The following DHX38 variants were observed in gnomAD, a reference collection of about 807,000 sequenced individuals.
The protein encoded by DHX38 is DEAH-box helicase 38, also known as pre-mRNA-splicing factor ATP-dependent RNA helicase PRP16.
DHX38 carries 100 observed loss-of-function variants against 153.1 expected under a neutral mutation model. The observed-to-expected ratio is 0.65, with a 90% CI of 0.56 to 0.77. DHX38 has a LOEUF of 0.77. Ranked by LOEUF, DHX38 falls within the 30% of genes least tolerant of loss-of-function variation. The pLI, the probability that DHX38 is intolerant of heterozygous loss-of-function variation, is 0.00. For synonymous variants in DHX38, 650 were observed against 631.7 expected (o/e 1.03, Z -0.43); for missense variants, 1,440 against 1,654.0 (o/e 0.87, Z 2.24).
At chr16:72,109,279 G>A (rs1005744043) in intron 24 of DHX38, 136 bp from the exon 25 acceptor site, 22 of 962,316 alleles carry the variant, frequency 2.3e-5, no homozygotes, top group Admixed American at 1.4e-4. Flanking sequence ...GGAGTATCTG[G>A]GGTTTTTCCT....
chr16:72,103,263 G>A (rs1338830153), intron 12 of DHX38, 52 bp downstream of exon 12: 2 of 1,589,780 alleles, frequency 1.3e-6, no homozygotes, highest in African/African-American at 2.7e-5. Context: ...GGTGCCCTTG[G>A]TCTCCCATGT....
At chr16:72,102,168 C>A (rs1440721549) in intron 11 of DHX38, among the ~76,000 whole-genome samples, 1 of 152,202 alleles carries the variant, frequency 6.6e-6, no homozygotes, top group East Asian at 1.9e-4. Flanking sequence ...AGATCCTCAT[C>A]CTTCGAATGC....
At chr16:72,109,712 C>A (rs2042233291) in intron 25 of DHX38, 3 of 449,132 alleles carry the variant, frequency 6.7e-6, no homozygotes, top group Non-Finnish European at 3.9e-6. Context: ...AAAACAAAAC[C>A]AAAAAACTCA....
chr16:72,110,209 T>C (rs1225444767), intron 25 of DHX38, among the ~76,000 whole-genome samples: 1 of 152,262 alleles, frequency 6.6e-6, no homozygotes, highest in Non-Finnish European at 1.5e-5. Flanking sequence ...ATAGTCCATA[T>C]GATGTATTTG....
At chr16:72,109,393 C>T in intron 24 of DHX38, 22 bp from the exon 25 acceptor site, 1 of 1,611,172 alleles carries the variant, frequency 6.2e-7, no homozygotes, top group Non-Finnish European at 8.5e-7. Flanking sequence ...TGACCCTCGC[C>T]TCCCTGCCCT....
At chr16:72,101,637 A>C (rs1376734059) in intron 11 of DHX38, 25 bp downstream of exon 11, 1 of 1,544,230 alleles carries the variant, frequency 6.5e-7, no homozygotes, top group Non-Finnish European at 8.8e-7. Flanking sequence ...CCAGCAGCAC[A>C]TCAGCCTTGC....
chr16:72,096,065 CCATAA>C, intron 1 of DHX38, 69 bp from the exon 2 acceptor site: 1 of 1,453,802 alleles, frequency 6.9e-7, no homozygotes, highest in Non-Finnish European at 9.3e-7. Context: ...CTACATATAA[CCATAA>C]CTGCATTTAT....
intron 4 of DHX38, 133 bp from the exon 5 acceptor site, chr16:72,098,512 A>C: frequency 8.6e-7 from 1 of 1,160,592 alleles, no homozygotes; most frequent in East Asian, 2.5e-5. Context: ...ACCGATCTTA[A>C]CCGTTATAGA....
In DHX38 at chr16:72,112,580, CCTTTCATCTGAGGA is replaced by C; in HGVS notation, c.*94_*107del. 1 of 1,452,078 alleles carries C rather than the reference CCTTTCATCTGAGGA, an allele frequency of 6.9e-7. No homozygotes were observed. Among genetic ancestry groups the C allele is most frequent in the Non-Finnish European group, 9.6e-7 (1 of 1,046,800 alleles). 89.9% of individuals were successfully genotyped at this position (1,452,078 alleles called of 1,614,324 possible). A position where few individuals can be genotyped will look rare whatever the true frequency, so the allele number is the denominator to read the frequency against. ...GGAGCCCTGAGGCTGCGGACAAAGC[CCTTTCATCTGAGGA>C]CTTTCATCTGTGCATATCACGGCCC... On this transcript the variant is annotated 3_prime_UTR_variant, in exon 27 of 27. Transcript: ENST00000268482.
chr16:72,104,752 C>A lies in DHX38; in HGVS notation c.2151+126C>A, dbSNP rs2042150046. The A allele has an allele frequency of 3.0e-6, 4 of 1,342,164 alleles. No individual in the cohort carries two copies. The Admixed American group carries it at 5.6e-5, about 19-fold the overall frequency. The allele number at this position is 1,342,164 out of a possible 1,614,324, so 83.1% of individuals were successfully genotyped here. A position where few individuals can be genotyped will look rare whatever the true frequency, so the allele number is the denominator to read the frequency against. Reference sequence around the variant, plus strand: ...AGAAGATTTCCTGGGGACCATGGGGCAAATGGGGCAGCCTGCAGCTCTGGG... The same window carrying A: ...AGAAGATTTCCTGGGGACCATGGGGAAAATGGGGCAGCCTGCAGCTCTGGG... On this transcript the variant is annotated intron_variant, in intron 15 of 26. Transcript: ENST00000268482. This position sits in a 1 kb window ranked among gnomAD's most constrained non-coding sequence, Gnocchi z 4.5.
At chr16:72,103,834 T>A (rs768428014) in intron 13 of DHX38, 46 bp downstream of exon 13, 1 of 1,597,336 alleles carries the variant, frequency 6.3e-7, no homozygotes, top group Admixed American at 1.7e-5. Context: ...CCCTAGTAGC[T>A]TCCACCCATT....
intron 26 of DHX38, among the ~76,000 whole-genome samples, chr16:72,111,586 T>C (rs1597450875): frequency 6.6e-6 from 1 of 152,190 alleles, no homozygotes; most frequent in Admixed American, 6.5e-5. Context: ...GTACTTACCA[T>C]TATAGCTTTA....
chr16:72,101,624 C>G lies in DHX38; in HGVS notation c.1499+12C>G, dbSNP rs2042102951. 1 of 1,548,456 alleles carries G rather than the reference C, an allele frequency of 6.5e-7. No homozygotes were observed. The highest frequency in any genetic ancestry group is 1.4e-5 in the African/African-American group (1 of 73,080). ...AAGGTGGACTACAGGTGGGCAGCCT[C>G]AGCCAGCAGCACATCAGCCTTGCTC... On this transcript the variant is annotated intron_variant, in intron 11 of 26. Coordinates refer to ENST00000268482, the MANE Select transcript of DHX38 (RefSeq NM_014003.4).
intron 8 of DHX38, 73 bp downstream of exon 8, chr16:72,099,960 C>T (rs1034981443): frequency 5.9e-6 from 9 of 1,528,682 alleles, no homozygotes; most frequent in Non-Finnish European, 6.2e-6. Context: ...GCAGGTTATC[C>T]CCAAGTGAGG....
At chr16:72,100,007 G>C (rs2042079055) in intron 8 of DHX38, 120 bp downstream of exon 8, 1 of 1,354,310 alleles carries the variant, frequency 7.4e-7, no homozygotes, top group South Asian at 1.4e-5. Context: ...GAGAAGCCCA[G>C]ATCCTCTGGA....
At position 72,103,114 on chromosome 16, in the gene DHX38, G is replaced by A. The variant is rs373210227; in HGVS notation, c.1540G>A (p.Glu514Lys). Residue 514 changes from glutamate (E) to lysine (K), a missense_variant, in exon 12 of 27, where the codon GAA becomes AAA. Glu to Lys is a moderately conservative substitution (Grantham distance 56). Transcript: ENST00000268482. ...KFADHMKRKS[E>K]ASSEFAKKKS... ...TGCAGATCACATGAAGAGAAAGAGCGAAGCCAGCAGTGAATTTGCAAAGAA... is the reference window on the plus strand; with the variant it reads ...TGCAGATCACATGAAGAGAAAGAGCAAAGCCAGCAGTGAATTTGCAAAGAA... The A allele has an allele frequency of 1.1e-5, 18 of 1,614,230 alleles. No individual in the cohort carries two copies. Among genetic ancestry groups the A allele is most frequent in the Non-Finnish European group, 1.4e-5 (17 of 1,180,048 alleles).
intron 8 of DHX38, 43 bp downstream of exon 8, chr16:72,099,930 G>A: frequency 6.4e-7 from 1 of 1,562,434 alleles, no homozygotes; most frequent in Non-Finnish European, 8.7e-7. Context: ...AGAGCTGGAG[G>A]TAGAGCACGT....
In DHX38 at chr16:72,108,534, C is replaced by T. The variant is rs774324893; in HGVS notation, c.3182C>T (p.Ser1061Leu). The change falls in exon 23 of 27, where the codon TCG (serine) becomes TTG (leucine). Residue 1061 changes from serine to leucine, a missense_variant. Ser to Leu is a moderately radical substitution (Grantham distance 145). Coordinates refer to ENST00000268482, the MANE Select transcript of DHX38 (RefSeq NM_014003.4). ...GTGCAGCAGCGGATGAGCCTGGCCT[C>T]GTGTGGCACTGACTGGGACATCGTC... is the stretch of plus-strand genomic sequence containing the variant. The part of the protein sequence containing the change: ...IMVQQRMSLA[S>L]CGTDWDIVRK... The T allele has an allele frequency of 1.9e-6, 3 of 1,614,042 alleles. No homozygotes were observed. Among genetic ancestry groups the T allele is most frequent in the Admixed American group, 1.7e-5 (1 of 60,006 alleles).
At chr16:72,103,568 G>A (rs761982664) in intron 12 of DHX38, 34 bp from the exon 13 acceptor site, 17 of 1,585,948 alleles carry the variant, frequency 1.1e-5, no homozygotes, top group Admixed American at 1.7e-5. Flanking sequence ...CTTCCACTTC[G>A]GCTGATAAGC....
Sources: gnomAD v4.1 joint callset for allele counts (sites outside exome capture counted in the v4.1 genomes callset) on GRCh38, gnomAD v4.1.1 for gene constraint, Gnocchi (gnomAD v3.1) non-coding constraint, MANE v1.5 for transcripts, NCBI Gene and HGNC (gene_info 2026-07-23, HGNC 2026-07-21) for gene names.